KAZN: variants seen among roughly 807,000 people sequenced by gnomAD.
The protein encoded by KAZN is kazrin, periplakin interacting protein.
A neutral mutation model predicts 87.4 loss-of-function variants in KAZN; 40 were observed. The observed-to-expected ratio is 0.46, with a 90% confidence interval of 0.36 to 0.60. KAZN has a LOEUF of 0.60. Ranked by LOEUF, KAZN falls within the 20% of genes least tolerant of loss-of-function variation. KAZN has a pLI of 0.00. For synonymous variants in KAZN, 466 were observed against 458.3 expected, an observed-to-expected ratio of 1.02 and a Z score of -0.22; for missense variants, 898 against 1,073.9, an observed-to-expected ratio of 0.84 and a Z score of 2.29.
chr1:14,493,432 A>G (rs529916798), intron 2 of KAZN, among the ~76,000 whole-genome samples: 4 of 151,948 alleles, frequency 2.6e-5, no homozygotes, highest in Non-Finnish European at 4.4e-5. Flanking sequence ...GGTCCCATCC[A>G]TTCACATCCG....
chr1:14,804,516 G>C (rs1646142689), intron 1 of KAZN, among the ~76,000 whole-genome samples: 1 of 152,242 alleles, frequency 6.6e-6, no homozygotes, highest in Non-Finnish European at 1.5e-5. Context: ...GTACAGGGGA[G>C]ATCTCCCACA....
intron 1 of KAZN, among the ~76,000 whole-genome samples, chr1:14,930,533 G>A (rs1659695344): frequency 6.6e-6 from 1 of 152,162 alleles, no homozygotes; most frequent in African/African-American, 2.4e-5. Flanking sequence ...ATCATTGACT[G>A]AGGGCCGAGC....
intron 2 of KAZN, among the ~76,000 whole-genome samples, chr1:14,403,305 G>A (rs1403200345): frequency 6.6e-6 from 1 of 151,946 alleles, no homozygotes; most frequent in Non-Finnish European, 1.5e-5. Context: ...TCAAAACCTA[G>A]ATGCAAAAAG....
intron 2 of KAZN, among the ~76,000 whole-genome samples, chr1:14,482,206 C>CCCCAACCTA (rs1430716399): frequency 6.6e-6 from 1 of 152,180 alleles, no homozygotes. Flanking sequence ...CTAGCTGATA[C>CCCCAACCTA]CCCAACCTAC....
intron 1 of KAZN, among the ~76,000 whole-genome samples, chr1:14,701,659 C>T (rs1260723357): frequency 6.6e-6 from 1 of 152,120 alleles, no homozygotes; most frequent in Non-Finnish European, 1.5e-5. Context: ...TAGCCAGGTA[C>T]AGTGATGAGC....
intron 2 of KAZN, among the ~76,000 whole-genome samples, chr1:14,230,518 C>A (rs1184733600): frequency 6.6e-6 from 1 of 152,148 alleles, no homozygotes; most frequent in Admixed American, 6.5e-5. Context: ...CAGAGGGAGG[C>A]TTTGAACTCG....
chr1:14,919,423 C>T (rs182777299), intron 1 of KAZN, among the ~76,000 whole-genome samples: 34 of 152,338 alleles, frequency 2.2e-4, no homozygotes, highest in African/African-American at 7.2e-4. Context: ...GCGATCCACC[C>T]GCCTTGGCCT....
intron 1 of KAZN, among the ~76,000 whole-genome samples, chr1:14,759,263 G>C (rs191300895): frequency 6.6e-6 from 1 of 152,202 alleles, no homozygotes; most frequent in Non-Finnish European, 1.5e-5. Context: ...GTTGAAGCTT[G>C]TCACCGTGAG....
At chr1:13,923,796 A>AATTTCATATATT (rs1553174081) in intron 1 of KAZN, among the ~76,000 whole-genome samples, 75 of 151,450 alleles carry the variant, frequency 5.0e-4, no homozygotes, top group Middle Eastern at 3.5e-3. Flanking sequence ...AATATATGCT[A>AATTTCATATATT]TGTAAGTGGA....
intron 1 of KAZN, among the ~76,000 whole-genome samples, chr1:14,607,243 A>C (rs1338135975): frequency 2.0e-5 from 3 of 152,222 alleles, no homozygotes; most frequent in Admixed American, 6.5e-5. Flanking sequence ...TACCTATAAT[A>C]CCTCAACGAA....
intron 1 of KAZN, among the ~76,000 whole-genome samples, chr1:14,782,688 G>T (rs1645394424): frequency 1.3e-5 from 2 of 151,292 alleles, no homozygotes; most frequent in South Asian, 4.2e-4. Context: ...ATATACCTAA[G>T]TTTCTATGGA....
At chr1:14,686,244 T>G (rs909557156) in intron 1 of KAZN, among the ~76,000 whole-genome samples, 1 of 152,190 alleles carries the variant, frequency 6.6e-6, no homozygotes, top group Non-Finnish European at 1.5e-5. Flanking sequence ...TTTGTATTTT[T>G]GGTAGAGATG....
chr1:14,336,401 G>A (rs6692595), intron 2 of KAZN, among the ~76,000 whole-genome samples: 29,576 of 152,058 alleles, frequency 0.19, 3,490 homozygotes, highest in African/African-American at 0.33. Context: ...CCAGTTTGGG[G>A]CTATAACGAA....
At chr1:14,090,720 T>C (rs1441437141) in intron 1 of KAZN, among the ~76,000 whole-genome samples, 1 of 152,196 alleles carries the variant, frequency 6.6e-6, no homozygotes, top group Non-Finnish European at 1.5e-5. Flanking sequence ...TTCCCAGTGC[T>C]GGGTAGGCAC....
chr1:13,948,094 T>A (rs993174029), intron 1 of KAZN, among the ~76,000 whole-genome samples: 1 of 152,194 alleles, frequency 6.6e-6, no homozygotes, highest in Admixed American at 6.5e-5. Context: ...TCATTTGAGG[T>A]AACAGTCACA....
chr1:14,807,896 G>A (rs1001890894), intron 1 of KAZN, among the ~76,000 whole-genome samples: 1 of 152,110 alleles, frequency 6.6e-6, no homozygotes, highest in African/African-American at 2.4e-5. Flanking sequence ...CACTCCCCTA[G>A]AGATAGAGCC....
chr1:14,420,133 G>C (rs563638223), intron 2 of KAZN, among the ~76,000 whole-genome samples: 1 of 152,290 alleles, frequency 6.6e-6, no homozygotes, highest in East Asian at 1.9e-4. Flanking sequence ...CCCTGAGCTA[G>C]ACACAAAAGT....
At chr1:13,894,867 T>C (rs1393119450) in intron 1 of KAZN, among the ~76,000 whole-genome samples, 1 of 152,212 alleles carries the variant, frequency 6.6e-6, no homozygotes, top group African/African-American at 2.4e-5. Context: ...AGCTGGTTTC[T>C]AAAACTGGAT....
At chr1:14,556,526 C>T (rs1349963926) in intron 2 of KAZN, among the ~76,000 whole-genome samples, 1 of 152,080 alleles carries the variant, frequency 6.6e-6, no homozygotes, top group Non-Finnish European at 1.5e-5. Flanking sequence ...CAAGCCAAGT[C>T]AACTGAGGGT....
Sources: allele counts gnomAD v4.1 joint callset (sites outside exome capture counted in the v4.1 genomes callset), GRCh38; gene constraint gnomAD v4.1.1; transcripts MANE v1.5; gene names NCBI Gene and HGNC (gene_info 2026-07-23, HGNC 2026-07-21).